SLC24A3: variants seen among roughly 807,000 people sequenced by gnomAD.
The protein encoded by SLC24A3 is solute carrier family 24 member 3, also known as sodium/potassium/calcium exchanger 3.
SLC24A3 carries 28 observed loss-of-function variants against 75.8 expected under a neutral mutation model. The ratio of observed to expected loss-of-function variants is 0.37; its 90% CI spans 0.27 to 0.51. SLC24A3 has a LOEUF of 0.51. SLC24A3 is among the 20% of genes least tolerant of loss of function. The pLI, the probability that SLC24A3 is intolerant of heterozygous loss-of-function variation, is 0.94. For synonymous variants in SLC24A3, 372 were observed against 334.1 expected (o/e 1.11, Z -1.24); for missense variants, 663 against 847.8 (o/e 0.78, Z 2.71).
intron 2 of SLC24A3, chr20:19,284,711 C>G (rs370436471): frequency 2.6e-5 from 4 of 152,310 alleles, no homozygotes; most frequent in African/African-American, 9.6e-5. Flanking sequence ...ACTGTGCTGT[C>G]AGAAGCCCTG....
intron 2 of SLC24A3, among the ~76,000 whole-genome samples, chr20:19,366,783 C>T (rs1320416361): frequency 6.6e-6 from 1 of 151,938 alleles, no homozygotes; most frequent in Non-Finnish European, 1.5e-5. Flanking sequence ...AGAAATGAAG[C>T]GTGCAAAATA....
intron 3 of SLC24A3, among the ~76,000 whole-genome samples, chr20:19,533,544 G>T (rs1325454726): frequency 1.3e-5 from 2 of 151,768 alleles, no homozygotes; most frequent in African/African-American, 2.4e-5. Flanking sequence ...AAGGGGTCAA[G>T]GAAGGGTATC....
At position 19,681,875 on chromosome 20, in the gene SLC24A3, A is replaced by C; in HGVS notation, c.785A>C (p.His262Pro). ...TTGCTCAGATATAACGCTTGCATAC[A>C]TCAGTGCTTTGAGAGGAGGACAAAA... ...IVIMKYNACI[H>P]QCFERRTKGA... Residue 262 changes from histidine to proline, a missense_variant, in exon 10 of 17, where the codon CAT becomes CCT. Physicochemically the swap from His to Pro is moderately conservative, Grantham distance 77 (BLOSUM62 -2). Around this residue, in one of 2 missense-constraint regions of SLC24A3, gnomAD observed 510 missense variants for 703.6 expected, o/e 0.72. Transcript: ENST00000328041. The C allele has an allele frequency of 1.2e-6, 2 of 1,614,178 alleles. No individual in the cohort carries two copies. The highest frequency in any genetic ancestry group is 1.7e-6 in the Non-Finnish European group (2 of 1,180,014).
chr20:19,257,073 T>A (rs994251374), intron 1 of SLC24A3, among the ~76,000 whole-genome samples: 1 of 152,182 alleles, frequency 6.6e-6, no homozygotes, highest in Non-Finnish European at 1.5e-5. Flanking sequence ...GGTTTGGACT[T>A]CTGATGACTC....
intron 2 of SLC24A3, among the ~76,000 whole-genome samples, chr20:19,451,711 AC>A (rs1436123521): frequency 6.6e-6 from 1 of 152,150 alleles, no homozygotes; most frequent in Non-Finnish European, 1.5e-5. Context: ...CCAATAAATA[AC>A]TTTCAAGTGG....
chr20:19,585,747 A>C (rs1333682604), intron 6 of SLC24A3, among the ~76,000 whole-genome samples: 1 of 152,216 alleles, frequency 6.6e-6, no homozygotes, highest in Admixed American at 6.5e-5. Flanking sequence ...CTTGGTCTCC[A>C]TGTTGATGGA....
intron 2 of SLC24A3, among the ~76,000 whole-genome samples, chr20:19,504,084 A>C (rs2122545520): frequency 6.6e-6 from 1 of 152,332 alleles, no homozygotes; most frequent in East Asian, 1.9e-4. Flanking sequence ...GCTCTACCAC[A>C]CTGAGCCCCA....
chr20:19,552,688 A>C (rs58768292), intron 3 of SLC24A3, among the ~76,000 whole-genome samples: 3,366 of 152,274 alleles, frequency 0.022, 75 homozygotes, highest in South Asian at 0.076. Flanking sequence ...ACAATTCAAA[A>C]GATTCTTTTT....
At chr20:19,584,936 C>A in intron 4 of SLC24A3, 35 bp from the exon 5 acceptor site, 1 of 1,585,416 alleles carries the variant, frequency 6.3e-7, no homozygotes, top group South Asian at 1.1e-5. Context: ...GATGGAATCC[C>A]AACTCACCTG....
intron 2 of SLC24A3, among the ~76,000 whole-genome samples, chr20:19,443,631 TTTC>T (rs1987331036): frequency 6.6e-6 from 1 of 152,212 alleles, no homozygotes; most frequent in African/African-American, 2.4e-5. Flanking sequence ...GACAGTTTCA[TTTC>T]TTCTTCTCCA....
intron 1 of SLC24A3, among the ~76,000 whole-genome samples, chr20:19,235,078 C>G (rs892045472): frequency 6.6e-6 from 1 of 152,240 alleles, no homozygotes; most frequent in African/African-American, 2.4e-5. Context: ...TGACTCATTT[C>G]TTATATCCTC....
intron 2 of SLC24A3, among the ~76,000 whole-genome samples, chr20:19,473,443 C>T (rs941974213): frequency 4.6e-5 from 7 of 152,220 alleles, no homozygotes; most frequent in South Asian, 2.1e-4. Flanking sequence ...GTGGTGGTGG[C>T]GGTGGTAATA....
intron 2 of SLC24A3, among the ~76,000 whole-genome samples, chr20:19,446,717 G>T (rs1056933211): frequency 6.6e-6 from 1 of 152,182 alleles, no homozygotes; most frequent in Non-Finnish European, 1.5e-5. Flanking sequence ...TGGGACTTTG[G>T]ACAAGTCTGT....
chr20:19,473,165 C>G (rs537322606), intron 2 of SLC24A3, among the ~76,000 whole-genome samples: 1 of 152,318 alleles, frequency 6.6e-6, no homozygotes, highest in Admixed American at 6.5e-5. Context: ...TCCTGAGACT[C>G]GGAGGTTTAG....
At chr20:19,569,288 T>C (rs949323808) in intron 3 of SLC24A3, among the ~76,000 whole-genome samples, 2 of 152,228 alleles carry the variant, frequency 1.3e-5, no homozygotes, top group Non-Finnish European at 2.9e-5. Flanking sequence ...TTTTGTACAA[T>C]GATTTTATCA....
intron 2 of SLC24A3, among the ~76,000 whole-genome samples, chr20:19,407,214 G>A (rs1360167453): frequency 6.6e-6 from 1 of 152,210 alleles, no homozygotes; most frequent in East Asian, 1.9e-4. Flanking sequence ...GAGTCCACAA[G>A]CAGAGTGGTT....
chr20:19,651,625 C>A (rs776455316), intron 6 of SLC24A3, among the ~76,000 whole-genome samples: 9 of 151,744 alleles, frequency 5.9e-5, no homozygotes, highest in Non-Finnish European at 8.8e-5. Flanking sequence ...TTTGGGAGGC[C>A]GAGGCAGGTG....
chr20:19,294,388 G>A (rs748116408), intron 2 of SLC24A3, among the ~76,000 whole-genome samples: 2 of 152,074 alleles, frequency 1.3e-5, no homozygotes, highest in African/African-American at 4.8e-5. Context: ...CATCACCTAG[G>A]TATTAAGCCC....
At chr20:19,543,032 G>C (rs1272052044) in intron 3 of SLC24A3, among the ~76,000 whole-genome samples, 1 of 152,180 alleles carries the variant, frequency 6.6e-6, no homozygotes, top group Non-Finnish European at 1.5e-5. Context: ...CTTAGGAGGA[G>C]GCCTGAGACA....
Sources: allele counts gnomAD v4.1 joint callset (sites outside exome capture counted in the v4.1 genomes callset), GRCh38; gene constraint gnomAD v4.1.1; regional missense constraint gnomAD v4.1.1; transcripts MANE v1.5; gene names NCBI Gene and HGNC (gene_info 2026-07-23, HGNC 2026-07-21).